Variants in JAKMIP3 observed in about 807,000 individuals in gnomAD.
JAKMIP3 encodes Janus kinase and microtubule interacting protein 3, also known as janus kinase and microtubule-interacting protein 3.
In JAKMIP3, 58 loss-of-function variants were observed where a neutral mutation model predicts 118.5. The observed-to-expected ratio is 0.49, with a 90% CI of 0.40 to 0.61. The LOEUF is 0.61. Among genes scored for constraint, JAKMIP3 ranks in the 20% least tolerant of loss-of-function variants. JAKMIP3 has a pLI of 0.00. For synonymous variants in JAKMIP3, 486 were observed against 451.2 expected, an observed-to-expected ratio of 1.08 and a Z score of -0.98; for missense variants, 950 against 1,109.0, an observed-to-expected ratio of 0.86 and a Z score of 2.04.
intron 19 of JAKMIP3, among the ~76,000 whole-genome samples, chr10:132,156,693 C>T (rs1031621747): frequency 3.3e-5 from 5 of 152,250 alleles, no homozygotes; most frequent in South Asian, 4.1e-4. Flanking sequence ...AAGCAGGGAC[C>T]ATGTGCATCT....
rs373788324 is a variant in JAKMIP3 at position 132,141,994 on chromosome 10, C to G, written c.1548C>G (p.Tyr516Ter). 1 of 1,606,746 alleles carries G rather than the reference C, an allele frequency of 6.2e-7. No homozygotes were observed. The highest frequency in any genetic ancestry group is 1.3e-5 in the African/African-American group (1 of 74,842). The change falls in exon 11 of 24, where the codon TAC (tyrosine) becomes TAG (stop). Residue 516 changes from tyrosine to a stop codon, truncating the protein, a stop_gained. Coordinates refer to ENST00000684848, the MANE Select transcript of JAKMIP3 (RefSeq NM_001323087.2). LOFTEE classifies it high-confidence loss of function. Reference protein sequence around the residue: ...TMEYQALQRAYALLQEQVGGT... With the variant: ...TMEYQALQRA Reference sequence around the variant, plus strand: ...AGTACCAGGCCCTGCAGCGTGCCTACGCTTTGTTGCAGGAGCAGGTTGGAG... The same window carrying G: ...AGTACCAGGCCCTGCAGCGTGCCTAGGCTTTGTTGCAGGAGCAGGTTGGAG...
At chr10:132,069,304 G>A (rs756533472) in intron 1 of JAKMIP3, among the ~76,000 whole-genome samples, 4 of 152,102 alleles carry the variant, frequency 2.6e-5, no homozygotes, top group Admixed American at 1.3e-4. Flanking sequence ...CTTCTGAAGG[G>A]ACACTGGGTC....
intron 9 of JAKMIP3, among the ~76,000 whole-genome samples, chr10:132,139,930 T>C (rs2053140023): frequency 6.6e-6 from 1 of 152,128 alleles, no homozygotes; most frequent in African/African-American, 2.4e-5. Context: ...CTTCGATTCT[T>C]GAAGGCAGGG....
At chr10:132,101,525 A>C (rs943215313) in intron 1 of JAKMIP3, among the ~76,000 whole-genome samples, 6 of 152,230 alleles carry the variant, frequency 3.9e-5, no homozygotes, top group Non-Finnish European at 7.3e-5. Flanking sequence ...TTTAAATAGC[A>C]AAACTATGGG....
intron 3 of JAKMIP3, among the ~76,000 whole-genome samples, chr10:132,132,996 A>G (rs1201278546): frequency 6.6e-6 from 1 of 152,180 alleles, no homozygotes; most frequent in Non-Finnish European, 1.5e-5. Flanking sequence ...GCTAGAAAGT[A>G]CCACCCCTGT....
rs1288674294 is a variant in JAKMIP3 at position 132,136,905 on chromosome 10, G to A, written c.1117-114G>A. 5 of 1,211,454 alleles carry A rather than the reference G, an allele frequency of 4.1e-6. No homozygotes were observed. In the South Asian group the frequency reaches 7.6e-5, roughly 18 times the overall value. The allele number at this position is 1,211,454 out of a possible 1,614,324, so 75.0% of individuals were successfully genotyped here. A position where few individuals can be genotyped will look rare whatever the true frequency, so the allele number is the denominator to read the frequency against. On this transcript the variant is annotated intron_variant, in intron 6 of 23. Transcript: ENST00000684848. ...GAGGCCTGAGCAGAGGCCGCCAGCCGGGCAGCTGAGAGTGGCAGCCCGGGT... is the reference window on the plus strand; with the variant it reads ...GAGGCCTGAGCAGAGGCCGCCAGCCAGGCAGCTGAGAGTGGCAGCCCGGGT...
At chr10:132,106,365 A>AAAC (rs1554932375) in intron 2 of JAKMIP3, among the ~76,000 whole-genome samples, 21 of 151,464 alleles carry the variant, frequency 1.4e-4, no homozygotes, top group African/African-American at 4.1e-4. Context: ...TTTAAAAAAA[A>AAAC]AAACCCACAG....
chr10:132,106,522 G>C lies in JAKMIP3; in HGVS notation c.135+1579G>C, dbSNP rs1383857218. Reference sequence around the variant, plus strand: ...ATGAACACAGCCTGTGGCCTGGAGGGGGGAGTGTTGCTGAGGCTTCGGGGC... The same window carrying C: ...ATGAACACAGCCTGTGGCCTGGAGGCGGGAGTGTTGCTGAGGCTTCGGGGC... On this transcript the variant is annotated intron_variant, in intron 2 of 23. Coordinates refer to ENST00000684848, the MANE Select transcript of JAKMIP3 (RefSeq NM_001323087.2). 2.0e-5 allele frequency among the ~76,000 whole-genome samples: 3 copies of C among 152,300 alleles called. 1 individual carries two copies. Among genetic ancestry groups the C allele is most frequent in the African/African-American group, 7.2e-5 (3 of 41,560 alleles).
intron 23 of JAKMIP3, chr10:132,181,639 G>A (rs931623661): frequency 2.0e-5 from 3 of 152,240 alleles, no homozygotes; most frequent in Non-Finnish European, 2.9e-5. Flanking sequence ...ACGGGAAGAA[G>A]TAAACATGTA....
intron 1 of JAKMIP3, among the ~76,000 whole-genome samples, chr10:132,097,302 G>A (rs867975020): frequency 6.6e-6 from 1 of 152,184 alleles, no homozygotes; most frequent in Admixed American, 6.5e-5. Context: ...CCACACCGTG[G>A]GTCACTCTGC....
intron 23 of JAKMIP3, among the ~76,000 whole-genome samples, chr10:132,174,079 CTGGTGTGCTTGTGG>C (rs1467536366): frequency 6.8e-6 from 1 of 147,972 alleles, no homozygotes; most frequent in Non-Finnish European, 1.5e-5. Flanking sequence ...CTGGTGGTTT[CTGGTGTGCTTGTGG>C]TGGTGTGTTT....
Position 132,149,475 on chromosome 10 carries a change from C to T in JAKMIP3, c.1912C>T (p.Pro638Ser), listed in dbSNP as rs1001816751. The T allele has an allele frequency of 3.1e-6, 5 of 1,604,542 alleles. No individual in the cohort carries two copies. The South Asian group carries it at 4.5e-5, about 14-fold the overall frequency. The change falls in exon 15 of 24, where the codon CCC becomes TCC. Residue 638 changes from proline (P) to serine (S), a missense_variant. By Grantham distance (74) the Pro-to-Ser change is moderately conservative (BLOSUM62 -1). Coordinates refer to ENST00000684848, the MANE Select transcript of JAKMIP3 (RefSeq NM_001323087.2). ...CACGCCCTTCGTGGACGGGAAGAGC[C>T]CCCTCCAGGTGTACTGCGAGGCCGA... ...HHTPFVDGKSPLQVYCEAEGV... is the reference protein window; with the variant it reads ...HHTPFVDGKSSLQVYCEAEGV...
chr10:132,133,445 C>T lies in JAKMIP3; in HGVS notation c.767C>T (p.Ala256Val). The T allele has an allele frequency of 6.3e-7, 1 of 1,588,192 alleles. No individual in the cohort carries two copies. Among genetic ancestry groups the T allele is most frequent in the Non-Finnish European group, 8.6e-7 (1 of 1,167,886 alleles). Residue 256 changes from alanine (A) to valine (V), a missense_variant, in exon 4 of 24, where the codon GCC becomes GTC. Coordinates refer to ENST00000684848, the MANE Select transcript of JAKMIP3 (RefSeq NM_001323087.2). ...LDEQLSQVRE[A>V]DRHPGSPRRE... ...GAGCAGCTGTCCCAGGTCCGAGAGGCCGACCGGCACCCGGGCAGCCCCAGA... is the reference window on the plus strand; with the variant it reads ...GAGCAGCTGTCCCAGGTCCGAGAGGTCGACCGGCACCCGGGCAGCCCCAGA...
chr10:132,162,245 T>C (rs901441883), intron 19 of JAKMIP3, among the ~76,000 whole-genome samples: 14 of 152,188 alleles, frequency 9.2e-5, no homozygotes, highest in African/African-American at 3.4e-4. Context: ...TGGGAGACCG[T>C]GGTCTGTGTG....
In JAKMIP3 at chr10:132,115,275, G is replaced by A. The variant is rs535074197; in HGVS notation, c.136-1802G>A. ...CACCCTGGTGGGTCACCGCGATCGC[G>A]GCTAGGGGTCACCCTGGCGGGGCAC... On this transcript the variant is annotated intron_variant, in intron 2 of 23. Coordinates refer to ENST00000684848, the MANE Select transcript of JAKMIP3 (RefSeq NM_001323087.2). Among the ~76,000 whole-genome samples the A allele has an allele frequency of 1.0e-4, 12 of 117,034 alleles. No homozygotes were observed. In the South Asian group the frequency reaches 1.9e-3, roughly 19 times the overall value. 76.8% of individuals were successfully genotyped at this position (117,034 alleles called of 152,430 possible).
intron 1 of JAKMIP3, among the ~76,000 whole-genome samples, chr10:132,086,499 T>C (rs2134312145): frequency 6.6e-6 from 1 of 152,334 alleles, no homozygotes; most frequent in African/African-American, 2.4e-5. Context: ...CTATTTCTTT[T>C]TTTAGGTCTA....
At chr10:132,086,365 A>AC (rs1027073247) in intron 1 of JAKMIP3, among the ~76,000 whole-genome samples, 5 of 152,182 alleles carry the variant, frequency 3.3e-5, no homozygotes, top group African/African-American at 1.2e-4. Context: ...GTAAATATCC[A>AC]TTAAGTCCAT....
At chr10:132,067,873 G>A (rs1589737520) in intron 1 of JAKMIP3, among the ~76,000 whole-genome samples, 1 of 144,614 alleles carries the variant, frequency 6.9e-6, no homozygotes, top group East Asian at 2.2e-4. Context: ...TGGACTGTGG[G>A]CTTCCGTGTG....
intron 1 of JAKMIP3, among the ~76,000 whole-genome samples, chr10:132,067,884 GA>G (rs2039120554): frequency 6.8e-6 from 1 of 147,716 alleles, no homozygotes; most frequent in African/African-American, 2.5e-5. Flanking sequence ...CTTCCGTGTG[GA>G]CTGGACTGTG....
Sources: gnomAD v4.1 joint callset for allele counts (sites outside exome capture counted in the v4.1 genomes callset) on GRCh38, gnomAD v4.1.1 for gene constraint, MANE v1.5 for transcripts, NCBI Gene and HGNC (gene_info 2026-07-23, HGNC 2026-07-21) for gene names.